ZNF407: variants seen among roughly 807,000 people sequenced by gnomAD.
The protein encoded by ZNF407 is zinc finger protein 407.
Under a neutral mutation model 131.2 loss-of-function variants are expected in ZNF407, and 17 were observed. The observed-to-expected ratio is 0.13, with a 90% CI of 0.09 to 0.19. ZNF407 has a LOEUF of 0.19. Among genes scored for constraint, ZNF407 ranks in the 10% least tolerant of loss-of-function variants. The pLI is 1.00. For missense variants in ZNF407, 2,681 were observed against 2,830.6 expected, an observed-to-expected ratio of 0.95 and a Z score of 1.20; for synonymous variants, 1,156 against 1,062.0, an observed-to-expected ratio of 1.09 and a Z score of -1.72.
chr18:74,619,773 G>C (rs1229544892), intron 1 of ZNF407, among the ~76,000 whole-genome samples: 44 of 152,228 alleles, frequency 2.9e-4, no homozygotes, highest in Admixed American at 2.8e-3. Flanking sequence ...TATACAGCCT[G>C]TTCTATTTGA....
At chr18:74,883,617 C>T (rs771734631) in intron 6 of ZNF407, among the ~76,000 whole-genome samples, 2 of 152,170 alleles carry the variant, frequency 1.3e-5, no homozygotes, top group Admixed American at 6.5e-5. Flanking sequence ...AAGATCCTCA[C>T]GTGTGGTTGA....
Position 74,664,696 on chromosome 18 carries a change from C to T in ZNF407, c.4802+23574C>T, listed in dbSNP as rs72967636. ...CCCCTTCTGCTGCTCCTCCAGCTGT[C>T]TCTCTGTCTCTCTCTCTCTTTCTCT... On this transcript the variant is annotated intron_variant, in intron 3 of 8. Transcript: ENST00000299687. Among the ~76,000 whole-genome samples the T allele has an allele frequency of 4.7e-3, 708 of 152,188 alleles. 4 individuals carry two copies. The highest frequency in any genetic ancestry group is 6.4e-3 in the Non-Finnish European group (434 of 67,998).
At chr18:74,871,929 G>A (rs1008580486) in intron 4 of ZNF407, among the ~76,000 whole-genome samples, 87 of 151,658 alleles carry the variant, frequency 5.7e-4, no homozygotes, top group Admixed American at 5.7e-3. Context: ...GAGTGCAGGG[G>A]TGTGATCTCA....
chr18:75,018,667 A>G (rs553054411), intron 8 of ZNF407, among the ~76,000 whole-genome samples: 1 of 152,230 alleles, frequency 6.6e-6, no homozygotes, highest in Admixed American at 6.5e-5. Flanking sequence ...AAAATCTGAA[A>G]TAAAAATTTT....
chr18:74,633,085 C>G lies in ZNF407; in HGVS notation c.2066C>G (p.Ser689Cys), dbSNP rs770864901. The change falls in exon 2 of 9, where the codon TCC becomes TGC. Residue 689 changes from serine (S) to cysteine (C), a missense_variant. Ser to Cys is a moderately radical substitution (Grantham distance 112). Around this residue, in one of 6 missense-constraint regions of ZNF407, gnomAD observed 1,789 missense variants for 1,748.7 expected, o/e 1.02. Transcript: ENST00000299687. ...GKASQEEPLK[S>C]RVSHGNEVRH... ...GCATCTCAGGAAGAACCTCTGAAGT[C>G]CAGGGTAAGCCATGGTAATGAAGTG... The G allele has an allele frequency of 1.9e-6, 3 of 1,613,814 alleles. No individual in the cohort carries two copies. The highest frequency in any genetic ancestry group is 2.5e-6 in the Non-Finnish European group (3 of 1,179,870).
chr18:74,815,981 A>G (rs1157557021), intron 4 of ZNF407, among the ~76,000 whole-genome samples: 1 of 152,218 alleles, frequency 6.6e-6, no homozygotes, highest in Non-Finnish European at 1.5e-5. Context: ...TGTAAAATGT[A>G]TCTAAGTATG....
intron 3 of ZNF407, among the ~76,000 whole-genome samples, chr18:74,756,646 T>C (rs1291592390): frequency 6.6e-6 from 1 of 152,192 alleles, no homozygotes; most frequent in Non-Finnish European, 1.5e-5. Context: ...CTTGCAACAT[T>C]GCTGAAATTG....
chr18:74,947,673 A>C (rs554016028), intron 8 of ZNF407, among the ~76,000 whole-genome samples: 85 of 152,070 alleles, frequency 5.6e-4, no homozygotes, highest in Admixed American at 5.2e-4. Flanking sequence ...TCATCCTGGC[A>C]ACGGTGCCAA....
rs185492668 is a variant in ZNF407 at position 74,992,357 on chromosome 18, C to A, written c.5429-70793C>A. Among the ~76,000 whole-genome samples the A allele has an allele frequency of 2.2e-3, 332 of 152,110 alleles. 1 individual carries two copies. The highest frequency in any genetic ancestry group is 8.0e-3 in the Admixed American group (122 of 15,282). ...GGAGGAGACAGGCAGTTACCATAGT[C>A]GATTGGAAGGTCTGGGTAGGCCTTG... is the stretch of plus-strand genomic sequence containing the variant. On this transcript the variant is annotated intron_variant, in intron 8 of 8. Coordinates refer to ENST00000299687, the MANE Select transcript of ZNF407 (RefSeq NM_017757.3).
rs1336324929 is a variant in ZNF407, at chr18:74,635,958, C to G, written c.4687+252C>G. On this transcript the variant is annotated intron_variant, in intron 2 of 8. Coordinates refer to ENST00000299687, the MANE Select transcript of ZNF407 (RefSeq NM_017757.3). The surrounding 1 kb of genome is among the most constrained non-coding windows in gnomAD (Gnocchi z 4.7). ...AATTTTGTCAAAAAGCCTAGTCCCT[C>G]TGATGCCTTTTAAAAACTGCTGTCT... Among the ~76,000 whole-genome samples, 17 of 152,338 alleles carry G rather than the reference C, an allele frequency of 1.1e-4. No homozygotes were observed. The highest frequency in any genetic ancestry group is 4.1e-4 in the African/African-American group (17 of 41,568).
intron 8 of ZNF407, among the ~76,000 whole-genome samples, chr18:75,013,466 G>T (rs906251849): frequency 5.9e-5 from 9 of 151,970 alleles, no homozygotes; most frequent in Admixed American, 2.0e-4. Flanking sequence ...AATAAAAAAG[G>T]CCCCTAAGAG....
chr18:75,036,071 G>C (rs1973304959), intron 8 of ZNF407, among the ~76,000 whole-genome samples: 1 of 152,148 alleles, frequency 6.6e-6, no homozygotes, highest in Non-Finnish European at 1.5e-5. Context: ...TTCTCCCAAA[G>C]CAGTTGAATG....
intron 8 of ZNF407, among the ~76,000 whole-genome samples, chr18:74,969,226 G>C (rs1972444400): frequency 6.6e-6 from 1 of 152,056 alleles, no homozygotes; most frequent in African/African-American, 2.4e-5. Flanking sequence ...TAAAATTCTT[G>C]TCGGCTTTCT....
intron 4 of ZNF407, among the ~76,000 whole-genome samples, chr18:74,827,596 T>C (rs923975867): frequency 7.2e-5 from 11 of 152,194 alleles, no homozygotes; most frequent in African/African-American, 2.7e-4. Context: ...GCTGAAATCA[T>C]AGGCCTATTT....
intron 1 of ZNF407, among the ~76,000 whole-genome samples, chr18:74,599,702 G>A (rs536696969): frequency 8.5e-4 from 129 of 152,220 alleles, no homozygotes; most frequent in Non-Finnish European, 1.4e-3. Context: ...CATTCATTCC[G>A]ATTAGGTTTG....
rs1984028362 is a variant in ZNF407 at position 74,630,948 on chromosome 18, A to G, written c.-53-19A>G. 2 of 1,482,918 alleles carry G rather than the reference A, an allele frequency of 1.3e-6. No homozygotes were observed. The highest frequency in any genetic ancestry group is 1.4e-5 in the South Asian group (1 of 70,264). 91.9% of individuals were successfully genotyped at this position (1,482,918 alleles called of 1,614,324 possible). The stretch of plus-strand genomic sequence containing the variant: ...GTCTTTATATTCAAGATTTAATACC[A>G]TGTTTGTTTACTTCACAGGTTATGA... On this transcript the variant is annotated intron_variant, in intron 1 of 8. Coordinates refer to ENST00000299687, the MANE Select transcript of ZNF407 (RefSeq NM_017757.3).
chr18:74,870,349 C>G (rs1400245873), intron 4 of ZNF407, among the ~76,000 whole-genome samples: 2 of 152,150 alleles, frequency 1.3e-5, no homozygotes, highest in African/African-American at 4.8e-5. Context: ...ATCACCTGTT[C>G]AGGGCAAAAA....
Position 74,634,722 on chromosome 18 carries a change from G to A in ZNF407, c.3703G>A (p.Gly1235Arg). ...GCGTGTCCATTGTGAGGGTGAAGGA[G>A]GAAACGCAGGAGACGGTGGAGGTGT... ...ELRVHCEGEGGNAGDGGGVVP... is the reference protein window; with the variant it reads ...ELRVHCEGEGRNAGDGGGVVP... Residue 1235 changes from glycine (G) to arginine (R), a missense_variant, in exon 2 of 9, where the codon GGA becomes AGA. Gly to Arg is a moderately radical substitution (Grantham distance 125, BLOSUM62 -2). Around this residue, in one of 6 missense-constraint regions of ZNF407, gnomAD observed 1,789 missense variants for 1,748.7 expected, o/e 1.02. Coordinates refer to ENST00000299687, the MANE Select transcript of ZNF407 (RefSeq NM_017757.3). 2.5e-6 allele frequency: 4 copies of A among 1,614,030 alleles called. No individual in the cohort carries two copies. Among genetic ancestry groups the A allele is most frequent in the Non-Finnish European group, 2.5e-6 (3 of 1,179,898 alleles).
At chr18:74,725,880 A>G (rs1968145319) in intron 3 of ZNF407, among the ~76,000 whole-genome samples, 1 of 152,150 alleles carries the variant, frequency 6.6e-6, no homozygotes. Flanking sequence ...CTATTATGCA[A>G]CTTCTTTTTG....
Sources: allele counts gnomAD v4.1 joint callset (sites outside exome capture counted in the v4.1 genomes callset), GRCh38; gene constraint gnomAD v4.1.1; regional missense constraint gnomAD v4.1.1; non-coding constraint Gnocchi (gnomAD v3.1); transcripts MANE v1.5; gene names NCBI Gene and HGNC (gene_info 2026-07-23, HGNC 2026-07-21).